Variants in MUC5AC observed in about 807,000 individuals in gnomAD.
The protein encoded by MUC5AC is mucin-5AC.
A neutral mutation model predicts 169.7 loss-of-function variants in MUC5AC; 158 were observed. That is an observed-to-expected ratio of 0.93 (90% CI 0.82 to 1.06). The LOEUF (loss-of-function observed/expected upper bound fraction) is 1.06. MUC5AC is among the 50% of genes least tolerant of loss of function. MUC5AC has a pLI of 0.00. For missense variants in MUC5AC, 4,359 were observed against 3,089.9 expected, an observed-to-expected ratio of 1.41 and a Z score of -9.74; for synonymous variants, 1,975 against 1,237.0, an observed-to-expected ratio of 1.60 and a Z score of -12.52.
In MUC5AC at chr11:1,164,126, G is replaced by A. The variant is rs1590134202; in HGVS notation, c.810G>A (p.Leu270=). The A allele has an allele frequency of 5.6e-6, 9 of 1,612,090 alleles. No homozygotes were observed. In the East Asian group the frequency reaches 2.0e-4, roughly 36 times the overall value. ...CCTAGGGCATCTGTGAGGAGCTCCTGCACGGCCAGCTGTTCTCTGGCTGCG... is the reference window on the plus strand; with the variant it reads ...CCTAGGGCATCTGTGAGGAGCTCCTACACGGCCAGCTGTTCTCTGGCTGCG... ...STGFGICEEL[L]HGQLFSGCVA... The change falls in exon 8 of 49, where the codon CTG becomes CTA. Residue 270 remains leucine (L), a synonymous_variant. Coordinates refer to ENST00000621226, the MANE Select transcript of MUC5AC (RefSeq NM_001304359.2).
At position 1,186,306 on chromosome 11, in the gene MUC5AC, A is replaced by T. The variant is rs1860944282; in HGVS notation, c.8161A>T (p.Thr2721Ser). ...CACAACAAGCACAACCTCTGCCCCTACAACCAGCACAATCTCGGCCCCAAC... is the reference window on the plus strand; with the variant it reads ...CACAACAAGCACAACCTCTGCCCCTTCAACCAGCACAATCTCGGCCCCAAC... ...APTTSTTSAPTTSTISAPTTS... is the reference protein window; with the variant it reads ...APTTSTTSAPSTSTISAPTTS... Residue 2721 changes from threonine to serine, a missense_variant, in exon 31 of 49, where the codon ACA becomes TCA. Thr to Ser is a moderately conservative substitution (Grantham distance 58). Coordinates refer to ENST00000621226, the MANE Select transcript of MUC5AC (RefSeq NM_001304359.2). 8 of 725,048 alleles carry T rather than the reference A, an allele frequency of 1.1e-5. No individual in the cohort carries two copies. In the African/African-American group the frequency reaches 1.4e-4, roughly 13 times the overall value. The allele number at this position is 725,048 out of a possible 1,614,324, so 44.9% of individuals were successfully genotyped here.
In MUC5AC at chr11:1,181,368, G is replaced by A. The variant is rs1860810948; in HGVS notation, c.3918G>A (p.Gly1306=). 3.0e-5 allele frequency: 12 copies of A among 398,516 alleles called. No individual in the cohort carries two copies. The allele number at this position is 398,516 out of a possible 1,614,324, so 24.7% of individuals were successfully genotyped here. A position where few individuals can be genotyped will look rare whatever the true frequency, so the allele number is the denominator to read the frequency against. ...GTGGCISARC[G]ANGTIERRVY... ...GTGGCTGCATCTCCGCCCGCTGCGG[G>A]GCCAACGGCACCATTGAGAGGAGGG... The change falls in exon 30 of 49, where the codon GGG becomes GGA. Residue 1306 remains glycine, a synonymous_variant. Coordinates refer to ENST00000621226, the MANE Select transcript of MUC5AC (RefSeq NM_001304359.2).
At chr11:1,200,393 G>C in intron 48 of MUC5AC, 45 bp from the exon 49 acceptor site, 1 of 645,870 alleles carries the variant, frequency 1.5e-6, no homozygotes, top group Non-Finnish European at 2.8e-6. Flanking sequence ...ACGGCAGGAG[G>C]CTGGGGTGGC....
chr11:1,199,449 G>A lies in MUC5AC; in HGVS notation c.16474G>A (p.Val5492Ile), dbSNP rs1331958618. 1 of 728,288 alleles carries A rather than the reference G, an allele frequency of 1.4e-6. No homozygotes were observed. The highest frequency in any genetic ancestry group is 2.5e-6 in the Non-Finnish European group (1 of 399,368). The allele number at this position is 728,288 out of a possible 1,614,324, so 45.1% of individuals were successfully genotyped here. A position where few individuals can be genotyped will look rare whatever the true frequency, so the allele number is the denominator to read the frequency against. Residue 5492 changes from valine (V) to isoleucine (I), a missense_variant, in exon 46 of 49, where the codon GTC becomes ATC. Val to Ile is a conservative substitution (Grantham distance 29). Coordinates refer to ENST00000621226, the MANE Select transcript of MUC5AC (RefSeq NM_001304359.2). ...CEKHQDGLVV[V>I]TTKKACPPLS... ...GAAGCACCAGGATGGGCTCGTGGTGGTCACCACGAAGAAGGCGTGCCCCCC... is the reference window on the plus strand; with the variant it reads ...GAAGCACCAGGATGGGCTCGTGGTGATCACCACGAAGAAGGCGTGCCCCCC...
intron 25 of MUC5AC, 88 bp from the exon 26 acceptor site, chr11:1,179,004 C>A (rs926309965): frequency 2.5e-6 from 1 of 394,950 alleles, no homozygotes; most frequent in Admixed American, 4.5e-5. Flanking sequence ...GAACTCGGCC[C>A]CGGTCAATGT....
intron 15 of MUC5AC, among the ~76,000 whole-genome samples, chr11:1,170,986 A>C (rs1860501255): frequency 1.7e-5 from 1 of 59,784 alleles, no homozygotes; most frequent in Non-Finnish European, 3.0e-5. Flanking sequence ...CACCCCACTC[A>C]CCTACTCACT....
At chr11:1,195,404 C>T in intron 36 of MUC5AC, 125 bp downstream of exon 36, 1 of 637,388 alleles carries the variant, frequency 1.6e-6, no homozygotes, top group South Asian at 1.7e-5. Flanking sequence ...CTGCTGGTAC[C>T]ACAGACCAAG....
rs747561655 is a variant in MUC5AC, at chr11:1,164,546, G to A, written c.1129+14G>A. 124 of 1,595,984 alleles carry A rather than the reference G, an allele frequency of 7.8e-5. No homozygotes were observed. Among genetic ancestry groups the A allele is most frequent in the Non-Finnish European group, 9.9e-5 (116 of 1,172,522 alleles). On this transcript the variant is annotated intron_variant, in intron 9 of 48. Transcript: ENST00000621226. ...TCTGCCCTGAGGGTGAGGCTCCCCC[G>A]CCCCTGGGAAACACAGGTGCACCCC...
In MUC5AC at chr11:1,196,735, C is replaced by T; in HGVS notation, c.15829+15C>T. The T allele has an allele frequency of 1.3e-6, 1 of 746,858 alleles. No homozygotes were observed. The allele number at this position is 746,858 out of a possible 1,614,324, so 46.3% of individuals were successfully genotyped here. A position where few individuals can be genotyped will look rare whatever the true frequency, so the allele number is the denominator to read the frequency against. ...GGGCTGCCCCAGTACGTGCCCCAGG[C>T]CGGGGCTGGGGGGTGTGGCAGGACT... On this transcript the variant is annotated intron_variant, in intron 39 of 48. Coordinates refer to ENST00000621226, the MANE Select transcript of MUC5AC (RefSeq NM_001304359.2).
intron 10 of MUC5AC, 51 bp downstream of exon 10, chr11:1,165,470 C>A: frequency 1.3e-6 from 2 of 1,594,056 alleles, no homozygotes; most frequent in Non-Finnish European, 1.7e-6. Flanking sequence ...TGGGACAGAC[C>A]TGCTGGGGGT....
intron 1 of MUC5AC, among the ~76,000 whole-genome samples, chr11:1,159,418 G>A (rs1860057841): frequency 6.6e-6 from 1 of 150,666 alleles, no homozygotes; most frequent in Admixed American, 6.6e-5. Context: ...GTGCTGGGCG[G>A]GGCTGTGCGG....
rs1428642763 is a variant in MUC5AC at position 1,191,519 on chromosome 11, C to A, written c.13374C>A (p.Ile4458=). The stretch of plus-strand genomic sequence containing the variant: ...CCTCTGCTTCTACAACCAGCACAAT[C>A]TCTCTCCCTACAACCAGCACAACCT... ...STTSASTTST[I]SLPTTSTTSA... is the part of the protein sequence containing the mutation. Residue 4458 remains isoleucine, a synonymous_variant, in exon 31 of 49, where the codon ATC becomes ATA. Transcript: ENST00000621226. The A allele has an allele frequency of 1.7e-5, 11 of 645,772 alleles. No homozygotes were observed. The highest frequency in any genetic ancestry group is 2.6e-4 in the Middle Eastern group (1 of 3,868). 40.0% of individuals were successfully genotyped at this position (645,772 alleles called of 1,614,324 possible). A position where few individuals can be genotyped will look rare whatever the true frequency, so the allele number is the denominator to read the frequency against.
intron 4 of MUC5AC, 75 bp from the exon 5 acceptor site, chr11:1,162,457 G>A (rs575562211): frequency 1.3e-5 from 18 of 1,342,518 alleles, no homozygotes; most frequent in East Asian, 1.2e-4. Flanking sequence ...TCACATTTGC[G>A]ACCGCAGGCA....
Position 1,197,469 on chromosome 11 carries a change from T to A in MUC5AC, c.15863T>A (p.Val5288Glu). ...CLGPHGEPVK[V>E]GHTVGMDCQE... is the part of the protein sequence containing the mutation. ...GGACCTCAGTCCCCTTCCTTGCAGG[T>A]GGGCCACACCGTCGGCATGGACTGC... The change falls in exon 41 of 49, where the codon GTG becomes GAG. Residue 5288 changes from valine to glutamate, a missense_variant and splice_region_variant. Transcript: ENST00000621226. 1.4e-6 allele frequency: 1 copy of A among 710,532 alleles called. No individual in the cohort carries two copies. Among genetic ancestry groups the A allele is most frequent in the East Asian group, 2.6e-5 (1 of 37,984 alleles). The allele number at this position is 710,532 out of a possible 1,614,324, so 44.0% of individuals were successfully genotyped here. A position where few individuals can be genotyped will look rare whatever the true frequency, so the allele number is the denominator to read the frequency against.
chr11:1,178,456 G>A lies in MUC5AC; in HGVS notation c.3100G>A (p.Gly1034Ser). ...LSPEFKGRVC[G>S]LCGNFDDIAV... is the part of the protein sequence containing the mutation. ...GGTGCCTCTGCAGGGCAGGGTCTGC[G>A]GCCTGTGTGGGAACTTCGACGACAT... Residue 1034 changes from glycine (G) to serine (S), a missense_variant, in exon 25 of 49, where the codon GGC becomes AGC. Transcript: ENST00000621226. 2 of 743,148 alleles carry A rather than the reference G, an allele frequency of 2.7e-6. No homozygotes were observed. The highest frequency in any genetic ancestry group is 4.0e-5 in the South Asian group (1 of 24,958). The allele number at this position is 743,148 out of a possible 1,614,324, so 46.0% of individuals were successfully genotyped here. A position where few individuals can be genotyped will look rare whatever the true frequency, so the allele number is the denominator to read the frequency against.
rs1448347627 is a variant in MUC5AC, at chr11:1,180,080, C to A, written c.3543C>A (p.Cys1181Ter). 5.0e-6 allele frequency: 2 copies of A among 398,980 alleles called. No individual in the cohort carries two copies. The highest frequency in any genetic ancestry group is 1.3e-4 in the South Asian group (1 of 7,878). The allele number at this position is 398,980 out of a possible 1,614,324, so 24.7% of individuals were successfully genotyped here. A position where few individuals can be genotyped will look rare whatever the true frequency, so the allele number is the denominator to read the frequency against. The change falls in exon 27 of 49, where the codon TGC (cysteine) becomes TGA (stop). Residue 1181 changes from cysteine to a stop codon, truncating the protein, a stop_gained. Coordinates refer to ENST00000621226, the MANE Select transcript of MUC5AC (RefSeq NM_001304359.2). LOFTEE classifies it high-confidence loss of function. ...EGQCEWHYQPCGVPCLRTCRN... is the reference protein window; with the variant it reads ...EGQCEWHYQP ...AGTGCGAGTGGCACTACCAGCCCTG[C>A]GGGGTGCCCTGCCTGCGCACCTGCC...
chr11:1,165,457 C>T, intron 10 of MUC5AC, 38 bp downstream of exon 10: 1 of 1,600,294 alleles, frequency 6.2e-7, no homozygotes, highest in Non-Finnish European at 8.5e-7. Context: ...CAAGGATGTG[C>T]TATGGGACAG....
At position 1,187,108 on chromosome 11, in the gene MUC5AC, C is replaced by A. The variant is rs1860971283; in HGVS notation, c.8963C>A (p.Thr2988Lys). The part of the protein sequence containing the change: ...TTPSPVPTTS[T>K]TSAPTTSTTS... ...CCCAGCCCTGTTCCCACCACCAGCA[C>A]AACCTCTGCTCCCACAACAAGCACA... The change falls in exon 31 of 49, where the codon ACA (threonine) becomes AAA (lysine). Residue 2988 changes from threonine (T) to lysine (K), a missense_variant. Transcript: ENST00000621226. 1 of 730,922 alleles carries A rather than the reference C, an allele frequency of 1.4e-6. No homozygotes were observed. Among genetic ancestry groups the A allele is most frequent in the African/African-American group, 1.7e-5 (1 of 57,408 alleles). 45.3% of individuals were successfully genotyped at this position (730,922 alleles called of 1,614,324 possible).
At chr11:1,172,406 C>T in intron 15 of MUC5AC, 23 bp from the exon 16 acceptor site, 1 of 398,684 alleles carries the variant, frequency 2.5e-6, no homozygotes, top group Non-Finnish European at 4.4e-6. Context: ...TTAATCCTAA[C>T]CCTATCCCTC....
Sources: allele counts gnomAD v4.1 joint callset (sites outside exome capture counted in the v4.1 genomes callset), GRCh38; gene constraint gnomAD v4.1.1; transcripts MANE v1.5; gene names NCBI Gene and HGNC (gene_info 2026-07-23, HGNC 2026-07-21).